PIK3R4: variants seen among roughly 807,000 people sequenced by gnomAD.
PIK3R4 encodes phosphoinositide-3-kinase regulatory subunit 4, also known as phosphoinositide 3-kinase regulatory subunit 4.
A neutral mutation model predicts 136.5 loss-of-function variants in PIK3R4; 46 were observed. The observed-to-expected ratio is 0.34, with a 90% CI of 0.27 to 0.43. PIK3R4 has a LOEUF of 0.43. Ranked by LOEUF, PIK3R4 falls within the 20% of genes least tolerant of loss-of-function variation. PIK3R4 has a pLI of 1.00. For missense variants in PIK3R4, 1,331 were observed against 1,649.5 expected (o/e 0.81, Z 3.35); for synonymous variants, 557 against 566.7 (o/e 0.98, Z 0.24).
chr3:130,716,473 G>A lies in PIK3R4; in HGVS notation c.2254C>T (p.Arg752Ter), dbSNP rs2066665483. ...GGGCAGTCGGGAAGAGAACCATTTC[G>A]TTTCTTCTGACGCATGTGAAGATGT... ...FRHLHMRQKK[R>*]NGSLPDCPPP... The change falls in exon 9 of 20, where the codon CGA (arginine) becomes TGA (stop). Residue 752 changes from arginine to a stop codon, truncating the protein, a stop_gained. Transcript: ENST00000356763. LOFTEE classifies it high-confidence loss of function. 1 of 1,614,104 alleles carries A rather than the reference G, an allele frequency of 6.2e-7. No individual in the cohort carries two copies. The highest frequency in any genetic ancestry group is 8.5e-7 in the Non-Finnish European group (1 of 1,179,982).
At position 130,684,325 on chromosome 3, in the gene PIK3R4, T is replaced by C; in HGVS notation, c.3532A>G (p.Ser1178Gly). The C allele has an allele frequency of 1.2e-6, 2 of 1,613,418 alleles. No homozygotes were observed. Among genetic ancestry groups the C allele is most frequent in the Non-Finnish European group, 1.7e-6 (2 of 1,179,486 alleles). ...CGAGCCCTGGAAGGATGACAGTGAC[T>C]TGAAATTGGCAACTGGAACCTCATG... ...WDMRFQLPIS[S>G]HCHPSRARIR... Residue 1178 changes from serine (S) to glycine (G), a missense_variant, in exon 16 of 20, where the codon AGT (serine) becomes GGT (glycine). This residue lies in a region of PIK3R4 where 1,180 missense variants were observed against 1,407.0 expected (regional missense o/e 0.84). Coordinates refer to ENST00000356763, the MANE Select transcript of PIK3R4 (RefSeq NM_014602.3).
chr3:130,711,882 T>C lies in PIK3R4; in HGVS notation c.2332-3390A>G, dbSNP rs561435052. Among the ~76,000 whole-genome samples the C allele has an allele frequency of 5.3e-5, 8 of 152,352 alleles. No individual in the cohort carries two copies. In the South Asian group the frequency reaches 6.2e-4, roughly 12 times the overall value. On this transcript the variant is annotated intron_variant, in intron 9 of 19. Transcript: ENST00000356763. Reference sequence around the variant, plus strand: ...TAACATTGCATTATATATCTTCTTATAGCTTTTGAATTTTAAACCTGTATT... The same window carrying C: ...TAACATTGCATTATATATCTTCTTACAGCTTTTGAATTTTAAACCTGTATT...
At chr3:130,736,431 T>C (rs962911463) in intron 2 of PIK3R4, among the ~76,000 whole-genome samples, 3 of 151,984 alleles carry the variant, frequency 2.0e-5, no homozygotes, top group African/African-American at 7.3e-5. Flanking sequence ...TAGCTGGGCA[T>C]GGTGGCACAC....
intron 12 of PIK3R4, 35 bp downstream of exon 12, chr3:130,705,521 CCTAGA>C (rs1425756140): frequency 1.5e-6 from 2 of 1,312,714 alleles, no homozygotes; most frequent in African/African-American, 1.5e-5. Context: ...GCCTTAAGCA[CCTAGA>C]CTAGACTACA....
intron 16 of PIK3R4, among the ~76,000 whole-genome samples, chr3:130,681,934 G>A (rs1401344992): frequency 2.0e-5 from 3 of 152,148 alleles, no homozygotes; most frequent in Non-Finnish European, 2.9e-5. Context: ...AGTCAGTGTG[G>A]CAGGAACAGA....
intron 13 of PIK3R4, among the ~76,000 whole-genome samples, chr3:130,701,492 A>G (rs2066574330): frequency 6.6e-6 from 1 of 151,834 alleles, no homozygotes; most frequent in African/African-American, 2.4e-5. Flanking sequence ...ATCCTGGGCA[A>G]CAGAGCGAGA....
At position 130,727,290 on chromosome 3, in the gene PIK3R4, A is replaced by T. The variant is rs554489699; in HGVS notation, c.1807+1173T>A. Among the ~76,000 whole-genome samples, 9 of 149,734 alleles carry T rather than the reference A, an allele frequency of 6.0e-5. No individual in the cohort carries two copies. In the South Asian group the frequency reaches 1.9e-3, roughly 32 times the overall value. On this transcript the variant is annotated intron_variant, in intron 6 of 19. Transcript: ENST00000356763. ...GGCCTGACTGCAGTGGCGCAATCTC[A>T]GCTCACTGCAAGCTCCGCCTCCTGG...
At chr3:130,742,912 T>G (rs1378535779) in intron 2 of PIK3R4, among the ~76,000 whole-genome samples, 1 of 152,228 alleles carries the variant, frequency 6.6e-6, no homozygotes, top group Non-Finnish European at 1.5e-5. Flanking sequence ...ATGTGGTCTG[T>G]GTATGTGAAA....
chr3:130,688,076 T>C (rs1167835373), intron 14 of PIK3R4, among the ~76,000 whole-genome samples: 1 of 152,218 alleles, frequency 6.6e-6, no homozygotes, highest in Non-Finnish European at 1.5e-5. Context: ...TGTATACATG[T>C]ATATATTTAT....
chr3:130,725,263 G>T (rs1203080354), intron 6 of PIK3R4, among the ~76,000 whole-genome samples: 1 of 151,422 alleles, frequency 6.6e-6, no homozygotes, highest in Non-Finnish European at 1.5e-5. Flanking sequence ...ATGAGTACAA[G>T]AAGAGAAAAA....
At chr3:130,723,753 G>A (rs550846637) in intron 6 of PIK3R4, 166 bp from the exon 7 acceptor site, 10 of 508,160 alleles carry the variant, frequency 2.0e-5, no homozygotes, top group Admixed American at 3.9e-5. Context: ...CCCACAGCAA[G>A]GCAAATCATC....
At chr3:130,730,740 C>T (rs934641566) in intron 4 of PIK3R4, among the ~76,000 whole-genome samples, 3 of 149,332 alleles carry the variant, frequency 2.0e-5, no homozygotes, top group Non-Finnish European at 4.4e-5. Flanking sequence ...TCTGCAGGGA[C>T]TTACCTTTTA....
At chr3:130,740,347 C>G (rs1040427983) in intron 2 of PIK3R4, among the ~76,000 whole-genome samples, 4 of 152,062 alleles carry the variant, frequency 2.6e-5, no homozygotes, top group Non-Finnish European at 5.9e-5. Flanking sequence ...GGGTCAAATA[C>G]AAAATTAGAA....
intron 10 of PIK3R4, 103 bp from the exon 11 acceptor site, chr3:130,707,238 A>C: frequency 1.7e-6 from 1 of 605,152 alleles, no homozygotes; most frequent in Non-Finnish European, 2.8e-6. Flanking sequence ...AGGGATAGCA[A>C]TACACTTCAT....
chr3:130,730,990 T>C (rs2066757452), intron 4 of PIK3R4, among the ~76,000 whole-genome samples: 1 of 152,224 alleles, frequency 6.6e-6, no homozygotes, highest in Non-Finnish European at 1.5e-5. Context: ...ACTCAAGTTC[T>C]TAGTGAACCA....
chr3:130,705,912 CA>C, intron 11 of PIK3R4, 141 bp from the exon 12 acceptor site: 1 of 516,284 alleles, frequency 1.9e-6, no homozygotes, highest in African/African-American at 2.0e-5. Flanking sequence ...GATATAATTA[CA>C]ATTACATTTT....
chr3:130,704,036 G>A (rs1236434376), intron 12 of PIK3R4, 148 bp from the exon 13 acceptor site: 3 of 590,162 alleles, frequency 5.1e-6, no homozygotes, highest in Non-Finnish European at 9.1e-6. Flanking sequence ...AATAAAGAGT[G>A]GTCTACTGGA....
chr3:130,742,276 G>T (rs904544908), intron 2 of PIK3R4, among the ~76,000 whole-genome samples: 1 of 152,104 alleles, frequency 6.6e-6, no homozygotes, highest in Non-Finnish European at 1.5e-5. Context: ...CTTTGGTCTG[G>T]AAAAATAAAT....
chr3:130,690,927 T>A (rs2066514717), intron 13 of PIK3R4, among the ~76,000 whole-genome samples: 1 of 143,716 alleles, frequency 7.0e-6, no homozygotes, highest in African/African-American at 2.7e-5. Flanking sequence ...AGACAGGGTC[T>A]CACTCTGTTG....
Sources: gnomAD v4.1 joint callset for allele counts (sites outside exome capture counted in the v4.1 genomes callset) on GRCh38, gnomAD v4.1.1 for gene constraint, gnomAD v4.1.1 regional missense constraint, MANE v1.5 for transcripts, NCBI Gene and HGNC (gene_info 2026-07-23, HGNC 2026-07-21) for gene names.